The following SLC36A1 variants were observed in gnomAD, a reference collection of about 807,000 sequenced individuals.
SLC36A1 encodes the protein proton-coupled amino acid transporter 1.
In SLC36A1, 30 loss-of-function variants were observed where a neutral mutation model predicts 47.5. The ratio of observed to expected loss-of-function variants is 0.63; its 90% CI spans 0.47 to 0.86. SLC36A1 has a LOEUF of 0.86. Among genes scored for constraint, SLC36A1 ranks in the 40% least tolerant of loss-of-function variants. The probability of loss-of-function intolerance (pLI) is 0.00; values close to 1 mark genes in which losing one functional copy is unlikely to be tolerated. For synonymous variants in SLC36A1, 255 were observed against 249.7 expected, an observed-to-expected ratio of 1.02 and a Z score of -0.20; for missense variants, 517 against 606.0, an observed-to-expected ratio of 0.85 and a Z score of 1.54.
In SLC36A1 at chr5:151,458,782, C is replaced by G; in HGVS notation, c.-5-6C>G. On this transcript the variant is annotated splice_region_variant and splice_polypyrimidine_tract_variant and intron_variant, in intron 1 of 10. Transcript: ENST00000243389. ...GGAGGTCTTAATGCTGGCCCTGTCC[C>G]CCCAGCTGCCATGTCCACGCAGAGA... The G allele has an allele frequency of 1.2e-6, 2 of 1,613,046 alleles. No individual in the cohort carries two copies. Among genetic ancestry groups the G allele is most frequent in the Non-Finnish European group, 1.7e-6 (2 of 1,179,290 alleles).
the SLC36A1 span, among the ~76,000 whole-genome samples, chr5:151,418,434 T>A: frequency 0.17 from 25,549 of 152,232 alleles, 2,391 homozygotes; most frequent in East Asian, 0.38. Context: ...AGAGTGGAGC[T>A]GCCCAAGACC....
the SLC36A1 span, chr5:151,510,322 A>T: frequency 1.1e-6 from 1 of 880,580 alleles, no homozygotes; most frequent in South Asian, 1.7e-5. Context: ...CGTGCTGGGC[A>T]TTGGTGCCCT....
At chr5:151,404,857 C>T in the SLC36A1 span, among the ~76,000 whole-genome samples, 1 of 152,124 alleles carries the variant, frequency 6.6e-6, no homozygotes, top group African/African-American at 2.4e-5. Context: ...TTCTCATTGA[C>T]CTTGAAAGTC....
At chr5:151,369,539 C>T in the SLC36A1 span, among the ~76,000 whole-genome samples, 2 of 152,232 alleles carry the variant, frequency 1.3e-5, no homozygotes, top group Admixed American at 1.3e-4. Context: ...CACAGTGGTA[C>T]GTTCACAGCT....
chr5:151,438,520 T>C (rs981584516), intron 1 of SLC36A1, among the ~76,000 whole-genome samples: 9 of 152,214 alleles, frequency 5.9e-5, no homozygotes, highest in Non-Finnish European at 1.2e-4. Flanking sequence ...GTCTTCCTTA[T>C]GTTAAAGCAA....
At chr5:151,508,952 A>T in the SLC36A1 span, among the ~76,000 whole-genome samples, 5 of 152,082 alleles carry the variant, frequency 3.3e-5, no homozygotes, top group African/African-American at 1.2e-4. Context: ...TATATTTTTC[A>T]TGTCTCTTTC....
chr5:151,436,689 C>A (rs1355529264), upstream of SLC36A1, among the ~76,000 whole-genome samples: 1 of 151,976 alleles, frequency 6.6e-6, no homozygotes, highest in East Asian at 1.9e-4. Flanking sequence ...AAATTCTAAA[C>A]CCTAAAGCCA....
At chr5:151,480,896 C>T (rs1477811434) in intron 10 of SLC36A1, among the ~76,000 whole-genome samples, 1 of 151,842 alleles carries the variant, frequency 6.6e-6, no homozygotes, top group Admixed American at 6.6e-5. Flanking sequence ...CAAAGTGCTC[C>T]CTCCGGAAAA....
the SLC36A1 span, among the ~76,000 whole-genome samples, chr5:151,508,354 C>T: frequency 6.6e-6 from 1 of 152,234 alleles, no homozygotes; most frequent in Non-Finnish European, 1.5e-5. Context: ...CCCAACACAT[C>T]TCGTGAACGA....
At chr5:151,537,975 G>T in the SLC36A1 span, 2 of 1,604,444 alleles carry the variant, frequency 1.2e-6, no homozygotes, top group South Asian at 1.1e-5. Flanking sequence ...AGAAGAGGGA[G>T]ACTGTGGGGA....
chr5:151,411,646 A>G, the SLC36A1 span, among the ~76,000 whole-genome samples: 3 of 144,898 alleles, frequency 2.1e-5, no homozygotes, highest in African/African-American at 7.5e-5. Context: ...TGTGACCTGC[A>G]AAGACTGACT....
At chr5:151,513,368 A>G in the SLC36A1 span, among the ~76,000 whole-genome samples, 1 of 152,238 alleles carries the variant, frequency 6.6e-6, no homozygotes, top group African/African-American at 2.4e-5. Flanking sequence ...AGTGGGCTGG[A>G]TAAAGAAAAT....
At chr5:151,367,949 T>C in the SLC36A1 span, among the ~76,000 whole-genome samples, 1 of 152,184 alleles carries the variant, frequency 6.6e-6, no homozygotes, top group African/African-American at 2.4e-5. Context: ...AAATCCAACA[T>C]GTGTCCTTTC....
the SLC36A1 span, chr5:151,380,256 G>A: frequency 3.9e-5 from 9 of 228,122 alleles, no homozygotes; most frequent in East Asian, 1.0e-4. Context: ...AGGCTGCGGC[G>A]GGCGGATCAC....
the SLC36A1 span, among the ~76,000 whole-genome samples, chr5:151,536,048 A>T: frequency 2.0e-5 from 3 of 152,194 alleles, no homozygotes; most frequent in East Asian, 5.8e-4. Flanking sequence ...TACTTTCATG[A>T]AGTAATTATA....
the SLC36A1 span, among the ~76,000 whole-genome samples, chr5:151,371,015 G>T: frequency 1.1e-4 from 17 of 152,086 alleles, no homozygotes; most frequent in African/African-American, 3.4e-4. Flanking sequence ...AAAATAAATT[G>T]CTTCTAAGTG....
At chr5:151,514,608 G>A in the SLC36A1 span, among the ~76,000 whole-genome samples, 6 of 152,196 alleles carry the variant, frequency 3.9e-5, no homozygotes, top group Non-Finnish European at 8.8e-5. Context: ...ATGCTGCCCA[G>A]CAATCACACT....
Position 151,467,301 on chromosome 5 carries a change from AAAG to A in SLC36A1, c.504+21_504+23del. ...TTAAACAGGTAGGCACCTGGTTAAAAAAGAAAAAAAAAAAAAAAACCAGAGCGA... is the reference window on the plus strand; with the variant it reads ...TTAAACAGGTAGGCACCTGGTTAAAAAAAAAAAAAAAAAAAACCAGAGCGA... On this transcript the variant is annotated intron_variant, in intron 6 of 10. Transcript: ENST00000243389. 1.4e-6 allele frequency: 2 copies of A among 1,438,610 alleles called. No homozygotes were observed. Among genetic ancestry groups the A allele is most frequent in the Non-Finnish European group, 1.9e-6 (2 of 1,063,228 alleles). The allele number at this position is 1,438,610 out of a possible 1,614,324, so 89.1% of individuals were successfully genotyped here. A position where few individuals can be genotyped will look rare whatever the true frequency, so the allele number is the denominator to read the frequency against.
chr5:151,512,602 G>A, the SLC36A1 span: 1 of 1,598,224 alleles, frequency 6.3e-7, no homozygotes, highest in Non-Finnish European at 8.5e-7. The surrounding 1 kb of genome is among the most constrained non-coding windows in gnomAD (Gnocchi z 4.1). Context: ...CACTCCACTG[G>A]CCAGCTGCAA....
Sources: gnomAD v4.1 joint callset for allele counts (sites outside exome capture counted in the v4.1 genomes callset) on GRCh38, gnomAD v4.1.1 for gene constraint, Gnocchi (gnomAD v3.1) non-coding constraint, MANE v1.5 for transcripts, NCBI Gene and HGNC (gene_info 2026-07-23, HGNC 2026-07-21) for gene names.